PAGE2B: variants seen among roughly 807,000 people sequenced by gnomAD.
PAGE2B encodes the protein PAGE family member 2B, also known as putative G antigen family E member 3.
Under a neutral mutation model 7.6 loss-of-function variants are expected in PAGE2B, and 5 were observed. That is an observed-to-expected ratio of 0.66 (90% CI 0.34 to 1.38). The LOEUF (loss-of-function observed/expected upper bound fraction) is 1.38, where lower values mean the gene tolerates loss of function less well. Ranked by LOEUF, PAGE2B falls within the 40% of genes most tolerant of loss-of-function variation. The pLI is 0.04. For missense variants in PAGE2B, 70 were observed against 78.4 expected (o/e 0.89, Z 0.41); for synonymous variants, 29 against 26.7 (o/e 1.09, Z -0.27).
At chrX:55,052,132 T>G in the PAGE2B span, among the ~76,000 whole-genome samples, 12 of 111,709 alleles carry the variant, frequency 1.1e-4, no homozygotes, top group African/African-American at 2.9e-4. Flanking sequence ...CGGATATTGG[T>G]GAACCACAAA....
the PAGE2B span, among the ~76,000 whole-genome samples, chrX:55,065,716 T>G: frequency 9.0e-6 from 1 of 111,722 alleles, no homozygotes; most frequent in Non-Finnish European, 1.9e-5. Context: ...CCATTATATG[T>G]TTTTCAATTT....
chrX:55,031,752 A>T, the PAGE2B span, among the ~76,000 whole-genome samples: 2 of 110,289 alleles, frequency 1.8e-5, no homozygotes, highest in African/African-American at 6.7e-5. Context: ...TCTCTGTCTT[A>T]TCTTTTCTAT....
chrX:55,036,660 G>C, the PAGE2B span, among the ~76,000 whole-genome samples: 1 of 110,435 alleles, frequency 9.1e-6, no homozygotes, highest in Non-Finnish European at 1.9e-5. Context: ...ATACTACAAG[G>C]CTACAGTAAC....
chrX:55,076,625 G>C lies in PAGE2B; in HGVS notation c.141G>C (p.Gln47His). The C allele has an allele frequency of 3.3e-6, 4 of 1,208,481 alleles. No individual in the cohort carries two copies. The highest frequency in any genetic ancestry group is 4.5e-6 in the Non-Finnish European group (4 of 894,268). The change falls in exon 3 of 5, where the codon CAG becomes CAC. Residue 47 changes from glutamine (Q) to histidine (H), a missense_variant. Physicochemically the swap from Gln to His is conservative, Grantham distance 24. Coordinates refer to ENST00000374971, the MANE Select transcript of PAGE2B (RefSeq NM_001015038.3). ...AAGAGGAACCACCAACTGATAATCA[G>C]GGTATTGCACCTAGTGGGGAGATCG... is the stretch of plus-strand genomic sequence containing the variant. The part of the protein sequence containing the change: ...RQEEEPPTDN[Q>H]GIAPSGEIEN...
the PAGE2B span, among the ~76,000 whole-genome samples, chrX:55,067,007 A>C: frequency 9.1e-6 from 1 of 109,890 alleles, no homozygotes; most frequent in African/African-American, 3.4e-5. Context: ...TTTTCAAATA[A>C]CCTATTTTCA....
At chrX:55,050,376 T>C in the PAGE2B span, among the ~76,000 whole-genome samples, 30 of 109,651 alleles carry the variant, frequency 2.7e-4, no homozygotes, top group Non-Finnish European at 4.4e-4. Context: ...TAACTTTCTG[T>C]CTCATTGATC....
chrX:55,042,464 C>T, the PAGE2B span, among the ~76,000 whole-genome samples: 9 of 107,988 alleles, frequency 8.3e-5, no homozygotes. Flanking sequence ...ACCATCCTGG[C>T]TAAAGCGGTG....
At chrX:55,032,532 C>T in the PAGE2B span, among the ~76,000 whole-genome samples, 10 of 111,074 alleles carry the variant, frequency 9.0e-5, no homozygotes, top group African/African-American at 3.3e-4. Context: ...GTCAGACTCA[C>T]CCAAGTCACC....
the PAGE2B span, among the ~76,000 whole-genome samples, chrX:55,068,900 C>T: frequency 8.9e-6 from 1 of 112,039 alleles, no homozygotes; most frequent in Non-Finnish European, 1.9e-5. Flanking sequence ...TATCCTGAGA[C>T]TTTGCTGAAG....
intron 3 of PAGE2B, among the ~76,000 whole-genome samples, 178 bp downstream of exon 3, chrX:55,076,855 A>G (rs1347831662): frequency 9.0e-6 from 1 of 111,632 alleles, no homozygotes; most frequent in Non-Finnish European, 1.9e-5. Flanking sequence ...AAGCTTTCCT[A>G]CCACTTTGAC....
intron 1 of PAGE2B, among the ~76,000 whole-genome samples, chrX:55,075,791 C>A (rs748842704): frequency 9.0e-6 from 1 of 111,300 alleles, no homozygotes; most frequent in East Asian, 2.8e-4. Flanking sequence ...GAAACCAAAA[C>A]GCAGAAATGT....
upstream of PAGE2B, among the ~76,000 whole-genome samples, chrX:55,071,164 GT>G (rs914638899): frequency 1.8e-5 from 2 of 109,156 alleles, no homozygotes; most frequent in African/African-American, 6.6e-5. Flanking sequence ...TTGTTTGTTT[GT>G]TTTTTTTGCA....
chrX:55,060,970 A>G, the PAGE2B span, among the ~76,000 whole-genome samples: 1 of 111,075 alleles, frequency 9.0e-6, no homozygotes, highest in African/African-American at 3.3e-5. Flanking sequence ...CTCAGACAGA[A>G]AAAGAAATGT....
At chrX:55,039,440 T>G in the PAGE2B span, among the ~76,000 whole-genome samples, 1 of 109,478 alleles carries the variant, frequency 9.1e-6, no homozygotes, top group Admixed American at 9.8e-5. Flanking sequence ...ATGTGGTATA[T>G]ACATACCAAA....
the PAGE2B span, among the ~76,000 whole-genome samples, chrX:55,047,847 T>C: frequency 4.4e-3 from 490 of 112,292 alleles, 1 homozygote; most frequent in African/African-American, 0.014. Flanking sequence ...ATTTTGACTT[T>C]TGTTGCCATT....
chrX:55,075,308 C>T (rs778938534), intron 1 of PAGE2B, among the ~76,000 whole-genome samples, 194 bp downstream of exon 1: 2 of 111,143 alleles, frequency 1.8e-5, no homozygotes, highest in African/African-American at 6.6e-5. Context: ...GGACGAGGGA[C>T]GAGGGAGGAA....
the PAGE2B span, among the ~76,000 whole-genome samples, chrX:55,070,004 AT>A: frequency 7.3e-5 from 8 of 109,879 alleles, no homozygotes; most frequent in East Asian, 1.5e-3. Flanking sequence ...CTCAGGATTT[AT>A]TTTTTTAAGG....
the PAGE2B span, among the ~76,000 whole-genome samples, chrX:55,049,052 T>C: frequency 8.9e-6 from 1 of 112,094 alleles, no homozygotes; most frequent in Non-Finnish European, 1.9e-5. Flanking sequence ...TTGCTGCATC[T>C]ATTGAGATAA....
At chrX:55,077,825 T>C (rs1371522047) in intron 4 of PAGE2B, among the ~76,000 whole-genome samples, 8 of 112,331 alleles carry the variant, frequency 7.1e-5, no homozygotes, top group East Asian at 2.8e-4. Flanking sequence ...ATGAAAGATA[T>C]GAAACATGCT....
Sources: gnomAD v4.1 joint callset for allele counts (sites outside exome capture counted in the v4.1 genomes callset) on GRCh38, gnomAD v4.1.1 for gene constraint, MANE v1.5 for transcripts, NCBI Gene and HGNC (gene_info 2026-07-23, HGNC 2026-07-21) for gene names.